PHLPP1: variants seen among roughly 807,000 people sequenced by gnomAD.
PHLPP1 encodes PH domain and leucine rich repeat protein phosphatase 1.
PHLPP1 carries 42 observed loss-of-function variants against 117.2 expected under a neutral mutation model. The observed-to-expected ratio is 0.36, with a 90% CI of 0.28 to 0.46. The LOEUF (loss-of-function observed/expected upper bound fraction) is 0.46. Ranked by LOEUF, PHLPP1 falls within the 20% of genes least tolerant of loss-of-function variation. The probability of loss-of-function intolerance (pLI) is 1.00; values close to 1 mark genes in which losing one functional copy is unlikely to be tolerated. For synonymous variants in PHLPP1, 1,042 were observed against 970.7 expected, an observed-to-expected ratio of 1.07 and a Z score of -1.37; for missense variants, 2,084 against 2,241.9, an observed-to-expected ratio of 0.93 and a Z score of 1.42.
chr18:62,770,880 A>G (rs963544930), intron 1 of PHLPP1, among the ~76,000 whole-genome samples: 6 of 152,190 alleles, frequency 3.9e-5, no homozygotes, highest in South Asian at 2.1e-4. Context: ...ATTTTAAAAT[A>G]ATTTTGTGCA....
chr18:62,898,598 T>G (rs970821205), intron 6 of PHLPP1, among the ~76,000 whole-genome samples: 1 of 152,130 alleles, frequency 6.6e-6, no homozygotes, highest in Admixed American at 6.6e-5. Flanking sequence ...GCTCTATCTC[T>G]GAGCTGCTCA....
chr18:62,759,295 T>G (rs1912134976), intron 1 of PHLPP1, among the ~76,000 whole-genome samples: 1 of 152,214 alleles, frequency 6.6e-6, no homozygotes, highest in African/African-American at 2.4e-5. Context: ...TTAAAAAATG[T>G]AATCATTTCC....
chr18:62,787,294 G>A (rs1290678418), intron 1 of PHLPP1, among the ~76,000 whole-genome samples: 2 of 152,116 alleles, frequency 1.3e-5, no homozygotes, highest in African/African-American at 4.8e-5. Context: ...AGCCTCACGA[G>A]TAGCTGGGAC....
intron 1 of PHLPP1, among the ~76,000 whole-genome samples, chr18:62,814,994 G>GTT (rs1914224432): frequency 6.6e-6 from 1 of 152,110 alleles, no homozygotes; most frequent in African/African-American, 2.4e-5. Context: ...TAGCTTAGTG[G>GTT]TTTAAACACC....
At chr18:62,823,737 A>G (rs921893154) in intron 1 of PHLPP1, among the ~76,000 whole-genome samples, 1 of 152,074 alleles carries the variant, frequency 6.6e-6, no homozygotes, top group African/African-American at 2.4e-5. Flanking sequence ...GGCAAAGAAG[A>G]TATGCGGATC....
At chr18:62,822,505 C>G (rs557381899) in intron 1 of PHLPP1, among the ~76,000 whole-genome samples, 2 of 151,716 alleles carry the variant, frequency 1.3e-5, no homozygotes, top group South Asian at 4.2e-4. Flanking sequence ...AGGATGGTCT[C>G]GATCTCCTAA....
chr18:62,767,288 A>T (rs1002116572), intron 1 of PHLPP1, among the ~76,000 whole-genome samples: 1 of 152,248 alleles, frequency 6.6e-6, no homozygotes, highest in African/African-American at 2.4e-5. Flanking sequence ...AGCTTTTCAA[A>T]AGTGCCACAA....
chr18:62,857,319 GCAGTTTGCATTTGT>G (rs1915525776), intron 3 of PHLPP1, among the ~76,000 whole-genome samples: 1 of 152,140 alleles, frequency 6.6e-6, no homozygotes. Context: ...GTGTCATGCT[GCAGTTTGCATTTGT>G]ATCAAGTCAG....
intron 14 of PHLPP1, among the ~76,000 whole-genome samples, chr18:62,965,206 G>C (rs1011102127): frequency 1.3e-5 from 2 of 152,028 alleles, no homozygotes; most frequent in African/African-American, 4.8e-5. Context: ...AGAGGTTTTT[G>C]TTTGTTTTTT....
At chr18:62,967,887 C>T (rs1444862220) in intron 14 of PHLPP1, among the ~76,000 whole-genome samples, 2 of 151,456 alleles carry the variant, frequency 1.3e-5, no homozygotes, top group Non-Finnish European at 2.9e-5. Context: ...TGCAATGGCA[C>T]GATCTCGGTT....
At chr18:62,920,735 A>G (rs1007820730) in intron 10 of PHLPP1, among the ~76,000 whole-genome samples, 2 of 151,692 alleles carry the variant, frequency 1.3e-5, no homozygotes, top group African/African-American at 4.8e-5. Flanking sequence ...AATTTTTTGT[A>G]TTTTTAGTAG....
intron 4 of PHLPP1, among the ~76,000 whole-genome samples, chr18:62,894,694 T>C (rs1287211063): frequency 2.0e-5 from 3 of 152,240 alleles, no homozygotes; most frequent in African/African-American, 7.2e-5. Flanking sequence ...TGGGGCCATT[T>C]ACACTGTGTT....
intron 1 of PHLPP1, among the ~76,000 whole-genome samples, chr18:62,814,124 T>G (rs1393239084): frequency 3.3e-5 from 5 of 152,206 alleles, no homozygotes; most frequent in Non-Finnish European, 5.9e-5. Flanking sequence ...GCATGACATT[T>G]GTCCAGGATA....
chr18:62,734,049 A>C (rs146328745), intron 1 of PHLPP1, among the ~76,000 whole-genome samples: 124 of 152,356 alleles, frequency 8.1e-4, no homozygotes, highest in African/African-American at 2.5e-3. Context: ...AAAAATGCAA[A>C]TGTGCATGTG....
intron 1 of PHLPP1, among the ~76,000 whole-genome samples, chr18:62,803,498 A>G (rs936498480): frequency 8.5e-5 from 13 of 152,330 alleles, no homozygotes; most frequent in African/African-American, 3.1e-4. Context: ...TTAACTTAAG[A>G]TTGTGAGATT....
rs1916762203 is a variant in PHLPP1 at position 62,902,974 on chromosome 18, A to G, written c.2455A>G (p.Ile819Val). ...IKHVDLRLNV[I>V]RKLIADEVDF... is the part of the protein sequence containing the mutation. ...TCCTTTGCCCTCAAGGTTGAACGTA[A>G]TTAGGAAGCTGATAGCAGATGAAGT... is the stretch of plus-strand genomic sequence containing the variant. Residue 819 changes from isoleucine (I) to valine (V), a missense_variant, in exon 7 of 17, where the codon ATT becomes GTT. This residue lies in a region of PHLPP1 where 1,365 missense variants were observed against 1,605.9 expected (regional missense o/e 0.85). Transcript: ENST00000262719. The G allele has an allele frequency of 1.2e-6, 2 of 1,610,076 alleles. No homozygotes were observed. Among genetic ancestry groups the G allele is most frequent in the Non-Finnish European group, 1.7e-6 (2 of 1,178,286 alleles).
chr18:62,894,846 C>G (rs1222497939), intron 4 of PHLPP1, among the ~76,000 whole-genome samples, 165 bp from the exon 5 acceptor site: 1 of 152,210 alleles, frequency 6.6e-6, no homozygotes, highest in East Asian at 1.9e-4. Context: ...TTAGAGTCAG[C>G]AGATGTGCAT....
At chr18:62,841,950 T>C (rs1915064213) in intron 3 of PHLPP1, among the ~76,000 whole-genome samples, 1 of 152,174 alleles carries the variant, frequency 6.6e-6, no homozygotes, top group Non-Finnish European at 1.5e-5. Flanking sequence ...AAGGCAGGCA[T>C]GGATTCCACC....
At chr18:62,938,994 C>CTTTCTTTCTTTTTTTTT (rs368316862) in intron 10 of PHLPP1, among the ~76,000 whole-genome samples, 1 of 128,680 alleles carries the variant, frequency 7.8e-6, no homozygotes, top group Non-Finnish European at 1.6e-5. Context: ...TTCTTTCTTT[C>CTTTCTTTCTTTTTTTTT]TTTTTTTTTT....
Sources: allele counts gnomAD v4.1 joint callset (sites outside exome capture counted in the v4.1 genomes callset), GRCh38; gene constraint gnomAD v4.1.1; regional missense constraint gnomAD v4.1.1; transcripts MANE v1.5; gene names NCBI Gene and HGNC (gene_info 2026-07-23, HGNC 2026-07-21).